TTC3: variants seen among roughly 807,000 people sequenced by gnomAD.
TTC3 encodes tetratricopeptide repeat domain 3.
TTC3 carries 180 observed loss-of-function variants against 249.6 expected under a neutral mutation model. The observed-to-expected ratio is 0.72, with a 90% CI of 0.64 to 0.82. The LOEUF (loss-of-function observed/expected upper bound fraction) is 0.82, where lower values mean the gene tolerates loss of function less well. Among genes scored for constraint, TTC3 ranks in the 40% least tolerant of loss-of-function variants. The pLI is 0.00. For missense variants in TTC3, 2,061 were observed against 2,398.4 expected (o/e 0.86, Z 2.94); for synonymous variants, 717 against 805.0 (o/e 0.89, Z 1.85).
At chr21:37,118,388 A>T (rs1024822817) in intron 11 of TTC3, among the ~76,000 whole-genome samples, 1 of 152,138 alleles carries the variant, frequency 6.6e-6, no homozygotes. Flanking sequence ...CACTTTCAGG[A>T]TTTAGAAAGA....
chr21:37,098,579 T>C (rs1461648305), intron 10 of TTC3: 1 of 152,206 alleles, frequency 6.6e-6, no homozygotes, highest in Non-Finnish European at 1.5e-5. Context: ...GTCAGCAGCA[T>C]TGTTCCTTTG....
At chr21:37,154,937 T>C (rs1366578237) in intron 27 of TTC3, among the ~76,000 whole-genome samples, 3 of 152,292 alleles carry the variant, frequency 2.0e-5, no homozygotes, top group Admixed American at 6.5e-5. Context: ...CCTCGTGATC[T>C]GCCCACCTCG....
chr21:37,095,385 G>C, exon 9 of TTC3: 1 of 1,608,232 alleles, frequency 6.2e-7, no homozygotes, highest in Non-Finnish European at 8.5e-7. Context: ...GAAATGAAGA[G>C]TTTTCCAAAG....
chr21:37,198,795 A>G (rs2085191811), intron 44 of TTC3, among the ~76,000 whole-genome samples: 1 of 152,130 alleles, frequency 6.6e-6, no homozygotes, highest in Non-Finnish European at 1.5e-5. Flanking sequence ...AAAACTGAAT[A>G]CGCTAGTCAC....
chr21:37,174,983 C>G (rs147686615), intron 35 of TTC3, among the ~76,000 whole-genome samples: 1 of 151,854 alleles, frequency 6.6e-6, no homozygotes, highest in African/African-American at 2.4e-5. Flanking sequence ...TGGCCAGGCG[C>G]GGTGGCTCAC....
rs1180640529 is a variant in TTC3 at position 37,152,931 on chromosome 21, C to T, written c.2414-20C>T. On this transcript the variant is annotated intron_variant, in intron 26 of 45. Transcript: ENST00000355666. ...GAATTAGTCCTATTTATCACTTTAA[C>T]CATTGTTATTTATCCTTAGAAACTG... The T allele has an allele frequency of 2.6e-6, 4 of 1,537,592 alleles. No individual in the cohort carries two copies. Among genetic ancestry groups the T allele is most frequent in the Non-Finnish European group, 3.5e-6 (4 of 1,143,448 alleles).
At chr21:37,073,461 C>A in intron 1 of TTC3, 3 of 986,338 alleles carry the variant, frequency 3.0e-6, no homozygotes, top group South Asian at 4.6e-5. Flanking sequence ...CACACCCCCT[C>A]CGTGGGTGTG....
intron 11 of TTC3, among the ~76,000 whole-genome samples, chr21:37,119,201 C>A (rs2076392887): frequency 6.6e-6 from 1 of 152,008 alleles, no homozygotes; most frequent in African/African-American, 2.4e-5. Flanking sequence ...AATTTTAATT[C>A]TTCAAGGTTT....
At chr21:37,079,836 G>A (rs745764052) in intron 1 of TTC3, among the ~76,000 whole-genome samples, 2 of 151,860 alleles carry the variant, frequency 1.3e-5, no homozygotes, top group Non-Finnish European at 2.9e-5. Context: ...TCGTGGTATG[G>A]CATTAATTCT....
At chr21:37,156,906 G>A in exon 28 of TTC3, 16 of 1,613,006 alleles carry the variant, frequency 9.9e-6, no homozygotes, top group Non-Finnish European at 1.4e-5. Context: ...TGATATAATG[G>A]GTATGTGGAC....
intron 1 of TTC3, chr21:37,083,035 T>G (rs1425611428): frequency 2.0e-6 from 2 of 985,294 alleles, no homozygotes; most frequent in Non-Finnish European, 2.4e-6. Context: ...CCTGCAGAGA[T>G]AAACCTGTGA....
Position 37,189,951 on chromosome 21 carries a change from A to G in TTC3, c.5024+1356A>G, listed in dbSNP as rs964519616. 3.4e-4 allele frequency among the ~76,000 whole-genome samples: 51 copies of G among 151,902 alleles called. 1 individual carries two copies. The highest frequency in any genetic ancestry group is 3.9e-4 in the East Asian group (2 of 5,126). On this transcript the variant is annotated intron_variant, in intron 39 of 45. Coordinates refer to ENST00000355666, the Ensembl canonical transcript of TTC3. Reference sequence around the variant, plus strand: ...TCACCCTAGTACTTAGCACTTCTCTATGTGGGATTACTTTTCATTGAGTCC... The same window carrying G: ...TCACCCTAGTACTTAGCACTTCTCTGTGTGGGATTACTTTTCATTGAGTCC...
At chr21:37,182,614 T>A (rs1044140921) in intron 35 of TTC3, among the ~76,000 whole-genome samples, 160 bp from the exon 36 acceptor site, 1 of 152,162 alleles carries the variant, frequency 6.6e-6, no homozygotes, top group Non-Finnish European at 1.5e-5. Flanking sequence ...CAGGCTTGGC[T>A]GGGGGGCATA....
At chr21:37,183,265 C>A (rs1395994182) in intron 36 of TTC3, among the ~76,000 whole-genome samples, 1 of 152,076 alleles carries the variant, frequency 6.6e-6, no homozygotes, top group Non-Finnish European at 1.5e-5. Context: ...AGGTTCTTTT[C>A]AAAAGTAAGA....
intron 1 of TTC3, chr21:37,082,277 A>G (rs2071799557): frequency 1.3e-5 from 2 of 153,350 alleles, no homozygotes; most frequent in Non-Finnish European, 2.9e-5. Flanking sequence ...TCTGTAGACT[A>G]TATCAGACAT....
chr21:37,108,335 T>TA, intron 10 of TTC3, 57 bp from the exon 11 acceptor site: 1 of 1,436,848 alleles, frequency 7.0e-7, no homozygotes, highest in Non-Finnish European at 9.6e-7. Context: ...ATATGCAAGA[T>TA]ATAATACTTT....
intron 11 of TTC3, chr21:37,121,455 T>C (rs1277486674): frequency 1.3e-5 from 2 of 159,930 alleles, no homozygotes; most frequent in Non-Finnish European, 2.7e-5. Context: ...TCAAATATTT[T>C]TAAAACATAA....
intron 13 of TTC3, among the ~76,000 whole-genome samples, chr21:37,123,408 A>C (rs564054908): frequency 3.9e-5 from 6 of 152,272 alleles, no homozygotes; most frequent in African/African-American, 1.4e-4. Flanking sequence ...TATGGCAAAA[A>C]CCACAATTAC....
Position 37,135,469 on chromosome 21 carries a change from G to A in TTC3, c.1533G>A (p.Gln511=), listed in dbSNP as rs753799121. The A allele has an allele frequency of 1.9e-6, 3 of 1,613,880 alleles. No individual in the cohort carries two copies. The Admixed American group carries it at 5.0e-5, about 27-fold the overall frequency. Residue 511 remains glutamine (Q), a synonymous_variant, in exon 18 of 46, where the codon CAG becomes CAA. Coordinates refer to ENST00000355666, the Ensembl canonical transcript of TTC3. ...AGCAGCGTTGCCGCAGCGCTGCACA[G>A]GCCTTTACAGAGTTGCTGAACGGTT...
Sources: gnomAD v4.1 joint callset for allele counts (sites outside exome capture counted in the v4.1 genomes callset) on GRCh38, gnomAD v4.1.1 for gene constraint, MANE v1.5 for transcripts, NCBI Gene and HGNC (gene_info 2026-07-23, HGNC 2026-07-21) for gene names.